The following NRL variants were observed in gnomAD, a reference collection of about 807,000 sequenced individuals.
NRL encodes the protein neural retina-specific leucine zipper protein.
In NRL, 16 loss-of-function variants were observed where a neutral mutation model predicts 12.5. The observed-to-expected ratio is 1.28, with a 90% CI of 0.87 to 1.95. The LOEUF (loss-of-function observed/expected upper bound fraction) is 1.95. Ranked by LOEUF, NRL falls within the 30% of genes most tolerant of loss-of-function variation. The pLI is 0.00. For synonymous variants in NRL, 142 were observed against 150.9 expected (o/e 0.94, Z 0.43); for missense variants, 314 against 325.8 (o/e 0.96, Z 0.28).
At chr14:24,111,149 T>G (rs886833113) in intron 1 of NRL, among the ~76,000 whole-genome samples, 16 of 152,272 alleles carry the variant, frequency 1.1e-4, no homozygotes, top group Non-Finnish European at 2.2e-4. Flanking sequence ...GCCGGCTATT[T>G]TTTTTTTCTT....
chr14:24,085,034 G>A lies in NRL; in HGVS notation c.-27-2159C>T, dbSNP rs1383196027. On this transcript the variant is annotated intron_variant, in intron 1 of 2. Transcript: ENST00000561028. The surrounding 1 kb of genome is among the most constrained non-coding windows in gnomAD (Gnocchi z 4.1). ...CCTCATCTGTCTTTGGAGACTATAA[G>A]CTCTCCCACGCCCACTCTCACCGGG... Among the ~76,000 whole-genome samples the A allele has an allele frequency of 6.6e-6, 1 of 152,118 alleles. No individual in the cohort carries two copies. The highest frequency in any genetic ancestry group is 1.5e-5 in the Non-Finnish European group (1 of 68,026).
In NRL at chr14:24,081,534, G is replaced by C. The variant is rs2138870548; in HGVS notation, c.416C>G (p.Ser139Trp). The C allele has an allele frequency of 1.2e-6, 2 of 1,604,326 alleles. No individual in the cohort carries two copies. The highest frequency in any genetic ancestry group is 1.1e-5 in the South Asian group (1 of 89,400). ...AERFSDAALV[S>W]MSVRELNRQL... ...CCGGTTTAGCTCCCGCACAGACATC[G>C]AGACCAGCGCCGCGTCGGAAAACCG... The change falls in exon 3 of 3, where the codon TCG becomes TGG. Residue 139 changes from serine (S) to tryptophan (W), a missense_variant. Physicochemically the swap from Ser to Trp is radical, Grantham distance 177 (BLOSUM62 -3). Coordinates refer to ENST00000561028, the MANE Select transcript of NRL (RefSeq NM_001354768.3). The surrounding 1 kb of genome is among the most constrained non-coding windows in gnomAD (Gnocchi z 4.4).
At chr14:24,098,695 C>T (rs1198114381) in intron 1 of NRL, 1 of 1,605,644 alleles carries the variant, frequency 6.2e-7, no homozygotes, top group Non-Finnish European at 8.5e-7. Context: ...ACCTGCTCTG[C>T]CCCAAGGGGA....
Position 24,094,787 on chromosome 14 carries a change from C to CG in NRL, c.-27-11913dup, listed in dbSNP as rs2036784576. On this transcript the variant is annotated intron_variant, in intron 1 of 2. Transcript: ENST00000561028. The surrounding 1 kb of genome is among the most constrained non-coding windows in gnomAD (Gnocchi z 4.1). ...CCAGATACCTCCCTCGGACCTCTAACGGGCTCTCAGCCAGCGCCCCAGGGT... is the reference window on the plus strand; with the variant it reads ...CCAGATACCTCCCTCGGACCTCTAACGGGGCTCTCAGCCAGCGCCCCAGGGT... 15 of 1,375,394 alleles carry CG rather than the reference C, an allele frequency of 1.1e-5. No homozygotes were observed. The highest frequency in any genetic ancestry group is 1.4e-5 in the Non-Finnish European group (15 of 1,044,948). The allele number at this position is 1,375,394 out of a possible 1,614,324, so 85.2% of individuals were successfully genotyped here.
intron 1 of NRL, among the ~76,000 whole-genome samples, chr14:24,088,173 A>T (rs1377136735): frequency 2.0e-5 from 3 of 152,190 alleles, no homozygotes; most frequent in Admixed American, 2.0e-4. Flanking sequence ...TCCTCTGCCC[A>T]TACCTTAATC....
rs527341625 is a variant in NRL, at chr14:24,098,508, G to A, written c.-27-15633C>T. 26 of 1,614,132 alleles carry A rather than the reference G, an allele frequency of 1.6e-5. No individual in the cohort carries two copies. In the East Asian group the frequency reaches 5.6e-4, roughly 35 times the overall value. On this transcript the variant is annotated intron_variant, in intron 1 of 2. Coordinates refer to ENST00000561028, the MANE Select transcript of NRL (RefSeq NM_001354768.3). ...ATGTATGTGCTTCCATTCAGCATGG[G>A]TCCTGTGGGCTCCCCGCTGTCCCGC...
intron 1 of NRL, 118 bp downstream of exon 1, chr14:24,114,604 T>G: frequency 1.1e-6 from 1 of 887,486 alleles, no homozygotes; most frequent in Non-Finnish European, 1.4e-6. Flanking sequence ...CTAGTTCGGC[T>G]GTCTCTGATT....
chr14:24,089,012 G>A (rs2036542737), intron 1 of NRL, among the ~76,000 whole-genome samples: 1 of 151,570 alleles, frequency 6.6e-6, no homozygotes, highest in Non-Finnish European at 1.5e-5. Flanking sequence ...CACTGGGTTA[G>A]CCAAGATGGT....
Position 24,099,183 on chromosome 14 carries a change from C to T in NRL, c.-28+15539G>A, listed in dbSNP as rs202246749. The T allele has an allele frequency of 1.1e-4, 182 of 1,607,418 alleles. No individual in the cohort carries two copies. The highest frequency in any genetic ancestry group is 1.7e-4 in the Middle Eastern group (1 of 6,058). Reference sequence around the variant, plus strand: ...GCTGGGCAAGAAGTGCTTTGCCCTACGCATCGCCTCTCGGCTGGCCCGGGA... The same window carrying T: ...GCTGGGCAAGAAGTGCTTTGCCCTATGCATCGCCTCTCGGCTGGCCCGGGA... On this transcript the variant is annotated intron_variant, in intron 1 of 2. Transcript: ENST00000561028.
intron 1 of NRL, among the ~76,000 whole-genome samples, chr14:24,091,214 G>A (rs1451808377): frequency 4.6e-5 from 7 of 151,402 alleles, no homozygotes; most frequent in African/African-American, 1.7e-4. Flanking sequence ...GCAGTGGTGC[G>A]ATCTCGGCTC....
intron 1 of NRL, among the ~76,000 whole-genome samples, chr14:24,086,171 G>A (rs2036461111): frequency 6.6e-6 from 1 of 152,106 alleles, no homozygotes; most frequent in Admixed American, 6.6e-5. Context: ...CCGAGATCGT[G>A]CCCCTGCACT....
At chr14:24,098,397 G>A in intron 1 of NRL, 1 of 1,611,088 alleles carries the variant, frequency 6.2e-7, no homozygotes, top group South Asian at 1.1e-5. Context: ...GGTAACCAGG[G>A]CAGGGGCACA....
At position 24,081,734 on chromosome 14, in the gene NRL, C is replaced by T. The variant is rs1440293493; in HGVS notation, c.382-166G>A. On this transcript the variant is annotated intron_variant, in intron 2 of 2. Transcript: ENST00000561028. This position sits in a 1 kb window ranked among gnomAD's most constrained non-coding sequence, Gnocchi z 4.4. ...GTCTGTTTCGGTCCAGAGCCCGCCC[C>T]AGGCCCCGACGCTCCCCGGGCCCCC... The T allele has an allele frequency of 6.6e-7, 1 of 1,521,834 alleles. No homozygotes were observed. Among genetic ancestry groups the T allele is most frequent in the Non-Finnish European group, 8.8e-7 (1 of 1,140,606 alleles). 94.3% of individuals were successfully genotyped at this position (1,521,834 alleles called of 1,614,324 possible).
intron 1 of NRL, chr14:24,084,505 C>T: frequency 2.0e-6 from 2 of 983,238 alleles, no homozygotes; most frequent in Non-Finnish European, 2.4e-6. Flanking sequence ...CCAGGTAGGC[C>T]CTGGATATAC....
chr14:24,104,131 G>C (rs1447464374), intron 1 of NRL: 3 of 609,178 alleles, frequency 4.9e-6, no homozygotes, highest in Non-Finnish European at 8.8e-6. Flanking sequence ...TTTTACACAA[G>C]ATTTGTGCTG....
chr14:24,093,784 G>C (rs1414577857), intron 1 of NRL, among the ~76,000 whole-genome samples: 2 of 152,196 alleles, frequency 1.3e-5, no homozygotes, highest in Non-Finnish European at 1.5e-5. Flanking sequence ...AAGGCAGAAA[G>C]GAGCCTTGAT....
rs192834226 is a variant in NRL at position 24,094,563 on chromosome 14, G to T, written c.-27-11688C>A. ...ATCCTAGGCGGAGGCGGGCAGGGGC[G>T]ACTGCTGTGGGTCCAGCCTCCCGCG... On this transcript the variant is annotated intron_variant, in intron 1 of 2. Coordinates refer to ENST00000561028, the MANE Select transcript of NRL (RefSeq NM_001354768.3). This position sits in a 1 kb window ranked among gnomAD's most constrained non-coding sequence, Gnocchi z 4.1. 2.7e-4 allele frequency: 388 copies of T among 1,440,636 alleles called. No individual in the cohort carries two copies. In the African/African-American group the frequency reaches 5.0e-3, roughly 19 times the overall value. 89.2% of individuals were successfully genotyped at this position (1,440,636 alleles called of 1,614,324 possible). A position where few individuals can be genotyped will look rare whatever the true frequency, so the allele number is the denominator to read the frequency against.
In NRL at chr14:24,103,225, T is replaced by C. The variant is rs1158229809; in HGVS notation, c.-28+11497A>G. ...GGTGTTTGTGGGCAGCGCCATGCGC[T>C]CTGAGTCCACTGCTGCAGCAGAACA... is the stretch of plus-strand genomic sequence containing the variant. On this transcript the variant is annotated intron_variant, in intron 1 of 2. Transcript: ENST00000561028. 33 of 1,614,002 alleles carry C rather than the reference T, an allele frequency of 2.0e-5. No homozygotes were observed. The highest frequency in any genetic ancestry group is 2.4e-5 in the Non-Finnish European group (28 of 1,179,900).
At chr14:24,095,258 TG>T (rs764171541) in intron 1 of NRL, 1 of 455,228 alleles carries the variant, frequency 2.2e-6, no homozygotes, top group South Asian at 1.5e-5. Flanking sequence ...CAAGAGGGTG[TG>T]GGGGCTTCAC....
Sources: allele counts gnomAD v4.1 joint callset (sites outside exome capture counted in the v4.1 genomes callset), GRCh38; gene constraint gnomAD v4.1.1; non-coding constraint Gnocchi (gnomAD v3.1); transcripts MANE v1.5; gene names NCBI Gene and HGNC (gene_info 2026-07-23, HGNC 2026-07-21).